IQCH: variants seen among roughly 807,000 people sequenced by gnomAD.
IQCH encodes the protein IQ domain-containing protein H.
A neutral mutation model predicts 117.0 loss-of-function variants in IQCH; 98 were observed. That is an observed-to-expected ratio of 0.84 (90% CI 0.71 to 0.99). The LOEUF (loss-of-function observed/expected upper bound fraction) is 0.99. Among genes scored for constraint, IQCH ranks in the 50% least tolerant of loss-of-function variants. IQCH has a pLI of 0.00. For synonymous variants in IQCH, 412 were observed against 448.2 expected (o/e 0.92, Z 1.02); for missense variants, 1,102 against 1,243.8 (o/e 0.89, Z 1.72).
chr15:67,477,437 C>G (rs1193665545), intron 18 of IQCH, among the ~76,000 whole-genome samples: 1 of 152,204 alleles, frequency 6.6e-6, no homozygotes, highest in African/African-American at 2.4e-5. Context: ...CAATCCCCAG[C>G]AGGCTGCCAG....
At position 67,372,599 on chromosome 15, in the gene IQCH, A is replaced by G. The variant is rs747943548; in HGVS notation, c.1242A>G (p.Arg414=). 4.3e-6 allele frequency: 7 copies of G among 1,613,950 alleles called. No individual in the cohort carries two copies. Among genetic ancestry groups the G allele is most frequent in the Non-Finnish European group, 5.9e-6 (7 of 1,179,944 alleles). Residue 414 remains arginine, a synonymous_variant, in exon 9 of 21, where the codon CGA becomes CGG. Coordinates refer to ENST00000335894, the MANE Select transcript of IQCH (RefSeq NM_001031715.3). ...GGCTGTTATATTGCCATAAGACTCG[A>G]CTAAAGAAGATACTAAAGGAATCAC... ...IAWLLYCHKT[R]LKKILKESRQ... is the part of the protein sequence containing the mutation.
intron 4 of IQCH, among the ~76,000 whole-genome samples, chr15:67,314,264 C>A (rs72745440): frequency 0.012 from 1,832 of 152,052 alleles, 19 homozygotes; most frequent in Non-Finnish European, 0.02. Context: ...TGGTTGATTC[C>A]TCACACTTTC....
chr15:67,358,207 C>CTTTTTTTTTTTTTTTTTTTTTTTTT, intron 7 of IQCH, among the ~76,000 whole-genome samples: 112 of 10,452 alleles, frequency 0.011, 49 homozygotes, highest in East Asian at 0.015. Flanking sequence ...ACTTTCTTTT[C>CTTTTTTTTTTTTTTTTTTTTTTTTT]TTTTTTTTTT....
At chr15:67,269,945 T>G (rs1965833787) in intron 3 of IQCH, among the ~76,000 whole-genome samples, 1 of 152,208 alleles carries the variant, frequency 6.6e-6, no homozygotes. Context: ...GCAGTAAACA[T>G]GGGACTGGAA....
In IQCH at chr15:67,474,842, G is replaced by A. The variant is rs1451970206; in HGVS notation, c.2677-854G>A. On this transcript the variant is annotated intron_variant, in intron 17 of 20. Coordinates refer to ENST00000335894, the MANE Select transcript of IQCH (RefSeq NM_001031715.3). The surrounding 1 kb of genome is among the most constrained non-coding windows in gnomAD (Gnocchi z 4.1). Reference sequence around the variant, plus strand: ...TAAAGGTTAACATCATCAGTGATAAGTCACACTGATACCATCTATCTACCC... The same window carrying A: ...TAAAGGTTAACATCATCAGTGATAAATCACACTGATACCATCTATCTACCC... 6.6e-6 allele frequency among the ~76,000 whole-genome samples: 1 copy of A among 152,206 alleles called. No homozygotes were observed. The highest frequency in any genetic ancestry group is 2.4e-5 in the African/African-American group (1 of 41,446).
At chr15:67,434,787 T>TTTC (rs2082096313) in intron 16 of IQCH, among the ~76,000 whole-genome samples, 1 of 145,268 alleles carries the variant, frequency 6.9e-6, no homozygotes, top group South Asian at 2.2e-4. Flanking sequence ...TTTCTTTTCT[T>TTTC]TTTTTTTTTT....
Position 67,401,949 on chromosome 15 carries a change from G to A in IQCH, c.2097+1644G>A, listed in dbSNP as rs947827392. Among the ~76,000 whole-genome samples, 2 of 152,048 alleles carry A rather than the reference G, an allele frequency of 1.3e-5. No homozygotes were observed. Among genetic ancestry groups the A allele is most frequent in the Non-Finnish European group, 2.9e-5 (2 of 68,002 alleles). ...TGGTTTTTTAATTTAAAACATTGAA[G>A]TGTTAATGTGCAAAGTATTTGTTGG... On this transcript the variant is annotated intron_variant, in intron 14 of 20. Coordinates refer to ENST00000335894, the MANE Select transcript of IQCH (RefSeq NM_001031715.3). The surrounding 1 kb of genome is among the most constrained non-coding windows in gnomAD (Gnocchi z 4.7).
intron 16 of IQCH, among the ~76,000 whole-genome samples, chr15:67,452,987 A>C (rs1184533922): frequency 6.6e-6 from 1 of 151,788 alleles, no homozygotes; most frequent in Non-Finnish European, 1.5e-5. Context: ...ATCTTCTATC[A>C]CTGATACCCT....
At chr15:67,444,029 C>G (rs2082338770) in intron 16 of IQCH, among the ~76,000 whole-genome samples, 1 of 152,226 alleles carries the variant, frequency 6.6e-6, no homozygotes, top group African/African-American at 2.4e-5. Flanking sequence ...CTTTCTCTCA[C>G]AACAAATACT....
rs777142288 is a variant in IQCH, at chr15:67,359,900, T to C, written c.753+15T>C. ...ATGATAGGAAGGTCTGTAATTTGTG[T>C]GACTAGTTGAAATTTAGGGTCTGTC... On this transcript the variant is annotated intron_variant, in intron 8 of 20. Transcript: ENST00000335894. This position sits in a 1 kb window ranked among gnomAD's most constrained non-coding sequence, Gnocchi z 4.5. 1.3e-5 allele frequency: 21 copies of C among 1,608,418 alleles called. 1 individual carries two copies. The South Asian group carries it at 1.4e-4, about 11-fold the overall frequency.
At chr15:67,409,513 C>G (rs1596323725) in intron 14 of IQCH, among the ~76,000 whole-genome samples, 1 of 152,148 alleles carries the variant, frequency 6.6e-6, no homozygotes, top group Non-Finnish European at 1.5e-5. Context: ...AAACGCTTCT[C>G]GAGTCAAATC....
chr15:67,462,289 C>T (rs1049587912), intron 16 of IQCH, among the ~76,000 whole-genome samples: 1 of 151,628 alleles, frequency 6.6e-6, no homozygotes, highest in Non-Finnish European at 1.5e-5. Context: ...ATTAGCTGGG[C>T]GTGGTGGCAG....
intron 6 of IQCH, among the ~76,000 whole-genome samples, chr15:67,345,529 T>A (rs1969349197): frequency 6.6e-6 from 1 of 152,138 alleles, no homozygotes; most frequent in African/African-American, 2.4e-5. Context: ...TATGACACGA[T>A]GAGGAAGGAC....
At chr15:67,347,751 A>G (rs1035254373) in intron 6 of IQCH, among the ~76,000 whole-genome samples, 4 of 149,870 alleles carry the variant, frequency 2.7e-5, no homozygotes, top group Admixed American at 2.7e-4. Context: ...ATGAAAATAG[A>G]TACAAAAGTC....
intron 16 of IQCH, among the ~76,000 whole-genome samples, chr15:67,437,696 G>A (rs1472034893): frequency 6.6e-6 from 1 of 152,088 alleles, no homozygotes; most frequent in Non-Finnish European, 1.5e-5. Context: ...ATAGCTTAAA[G>A]AAAAAACAAT....
chr15:67,328,160 GT>G (rs11357563), intron 4 of IQCH, among the ~76,000 whole-genome samples: 103,180 of 150,900 alleles, frequency 0.68, 35,608 homozygotes, highest in Middle Eastern at 0.84. Flanking sequence ...TTTGTTTTTA[GT>G]TTTTTTTTTA....
Position 67,422,834 on chromosome 15 carries a change from G to A in IQCH, c.2505+1257G>A, listed in dbSNP as rs1477351730. Among the ~76,000 whole-genome samples the A allele has an allele frequency of 2.6e-5, 4 of 152,116 alleles. No homozygotes were observed. Among genetic ancestry groups the A allele is most frequent in the East Asian group, 1.9e-4 (1 of 5,192 alleles). ...ACAGGACTCGTGTTTTAAAATGTCC[G>A]GTTGCTCCTCTCTTAGTGCTGCATG... On this transcript the variant is annotated intron_variant, in intron 16 of 20. Transcript: ENST00000335894. This position sits in a 1 kb window ranked among gnomAD's most constrained non-coding sequence, Gnocchi z 4.7.
At chr15:67,290,235 T>C (rs1448780571) in intron 4 of IQCH, among the ~76,000 whole-genome samples, 1 of 152,088 alleles carries the variant, frequency 6.6e-6, no homozygotes, top group Non-Finnish European at 1.5e-5. Flanking sequence ...AATGATTATA[T>C]AAATTGGTGA....
intron 6 of IQCH, among the ~76,000 whole-genome samples, chr15:67,345,942 G>T (rs910273886): frequency 1.3e-5 from 2 of 152,068 alleles, no homozygotes; most frequent in African/African-American, 2.4e-5. Context: ...GATCATCTTT[G>T]CAACTTTTCT....
Sources: allele counts gnomAD v4.1 joint callset (sites outside exome capture counted in the v4.1 genomes callset), GRCh38; gene constraint gnomAD v4.1.1; non-coding constraint Gnocchi (gnomAD v3.1); transcripts MANE v1.5; gene names NCBI Gene and HGNC (gene_info 2026-07-23, HGNC 2026-07-21).